Variants in FUT8 observed in about 807,000 individuals in gnomAD.
FUT8 encodes the protein alpha-(1,6)-fucosyltransferase.
FUT8 carries 29 observed loss-of-function variants against 71.3 expected under a neutral mutation model. The observed-to-expected ratio is 0.41, with a 90% CI of 0.30 to 0.55. FUT8 has a LOEUF of 0.55. Ranked by LOEUF, FUT8 falls within the 20% of genes least tolerant of loss-of-function variation. FUT8 has a pLI of 0.34. For missense variants in FUT8, 544 were observed against 702.1 expected (o/e 0.77, Z 2.55); for synonymous variants, 254 against 239.3 (o/e 1.06, Z -0.57).
At chr14:65,699,145 TACAC>T (rs60092488) in intron 7 of FUT8, among the ~76,000 whole-genome samples, 4,104 of 132,022 alleles carry the variant, frequency 0.031, 94 homozygotes, top group East Asian at 0.092. Context: ...CCCTCCCTTC[TACAC>T]ACACACACAC....
chr14:65,732,870 A>G (rs1896043025), intron 9 of FUT8, among the ~76,000 whole-genome samples: 1 of 152,208 alleles, frequency 6.6e-6, no homozygotes, highest in Non-Finnish European at 1.5e-5. Context: ...CAGTATTTGT[A>G]TTCTAAAGGA....
rs984642356 is a variant in FUT8, at chr14:65,413,613, C to T, written c.-326+399C>T. On this transcript the variant is annotated intron_variant, in intron 1 of 10. Coordinates refer to ENST00000673929, the MANE Select transcript of FUT8 (RefSeq NM_001371533.1). This position sits in a 1 kb window ranked among gnomAD's most constrained non-coding sequence, Gnocchi z 4.1. ...ACCTTCCCTTCGTCAGCAGCTCGGT[C>T]CCTGGAGTCGCGGTTTGTGGGGAGG... 3.9e-5 allele frequency among the ~76,000 whole-genome samples: 6 copies of T among 152,278 alleles called. No homozygotes were observed. Among genetic ancestry groups the T allele is most frequent in the Middle Eastern group, 3.4e-3 (1 of 294 alleles).
intron 2 of FUT8, among the ~76,000 whole-genome samples, chr14:65,515,506 A>G (rs2139837576): frequency 6.6e-6 from 1 of 151,872 alleles, no homozygotes; most frequent in East Asian, 1.9e-4. Context: ...ATAAGATTTC[A>G]CTATATAATG....
intron 2 of FUT8, among the ~76,000 whole-genome samples, chr14:65,534,188 A>C (rs1458212160): frequency 6.6e-6 from 1 of 152,010 alleles, no homozygotes; most frequent in Non-Finnish European, 1.5e-5. Context: ...CAGTGTGCAA[A>C]CATGACTCAC....
chr14:65,688,238 T>TA (rs1893396845), intron 7 of FUT8, among the ~76,000 whole-genome samples: 1 of 152,154 alleles, frequency 6.6e-6, no homozygotes, highest in Non-Finnish European at 1.5e-5. Context: ...ATGCTCCACT[T>TA]ATTTATCCCT....
At chr14:65,435,922 CTTTTT>C (rs374407475) in intron 1 of FUT8, among the ~76,000 whole-genome samples, 1 of 121,912 alleles carries the variant, frequency 8.2e-6, no homozygotes, top group Non-Finnish European at 1.7e-5. Flanking sequence ...GATATCTTCC[CTTTTT>C]TTTTTTTTTT....
chr14:65,649,097 A>AT (rs1891242748), intron 6 of FUT8, among the ~76,000 whole-genome samples: 1 of 152,118 alleles, frequency 6.6e-6, no homozygotes. Flanking sequence ...AACATTGTTC[A>AT]TTGTTAAACA....
At chr14:65,661,114 A>G (rs1370908876) in intron 6 of FUT8, among the ~76,000 whole-genome samples, 1 of 152,144 alleles carries the variant, frequency 6.6e-6, no homozygotes, top group Non-Finnish European at 1.5e-5. Context: ...AATAGGAGCT[A>G]TCTTTGACTT....
chr14:65,537,567 T>G (rs1381736705), intron 2 of FUT8, among the ~76,000 whole-genome samples: 1 of 152,036 alleles, frequency 6.6e-6, no homozygotes, highest in Admixed American at 6.6e-5. Flanking sequence ...TTTTGTATTT[T>G]TAGTAGAGAC....
At chr14:65,597,482 G>C (rs1888047261) in intron 3 of FUT8, among the ~76,000 whole-genome samples, 1 of 152,102 alleles carries the variant, frequency 6.6e-6, no homozygotes, top group Admixed American at 6.5e-5. Context: ...AATTAGCCGG[G>C]CATGGTGGTG....
At chr14:65,735,137 T>C (rs998779375) in intron 10 of FUT8, among the ~76,000 whole-genome samples, 3 of 152,178 alleles carry the variant, frequency 2.0e-5, no homozygotes, top group Admixed American at 6.5e-5. Context: ...GTTGTACTCA[T>C]GTTTTGCTTT....
At chr14:65,428,826 G>C (rs2139419211) in intron 1 of FUT8, among the ~76,000 whole-genome samples, 1 of 152,316 alleles carries the variant, frequency 6.6e-6, no homozygotes, top group Non-Finnish European at 1.5e-5. Context: ...TGCTGTTTTA[G>C]TTTTTTGTTT....
At chr14:65,518,558 C>T (rs967262531) in intron 2 of FUT8, among the ~76,000 whole-genome samples, 1 of 152,158 alleles carries the variant, frequency 6.6e-6, no homozygotes, top group Non-Finnish European at 1.5e-5. Flanking sequence ...GACAGTCTCA[C>T]TCTGTCGCCC....
At chr14:65,588,106 A>G (rs1213669971) in intron 3 of FUT8, among the ~76,000 whole-genome samples, 2 of 151,466 alleles carry the variant, frequency 1.3e-5, no homozygotes, top group Non-Finnish European at 2.9e-5. Flanking sequence ...GAGTTTAAGA[A>G]AACTGACACT....
Position 65,521,079 on chromosome 14 carries a change from G to A in FUT8, c.-227-40258G>A, listed in dbSNP as rs12431562. On this transcript the variant is annotated intron_variant, in intron 2 of 10. Coordinates refer to ENST00000673929, the MANE Select transcript of FUT8 (RefSeq NM_001371533.1). Reference sequence around the variant, plus strand: ...AGGTAGAATAATGTATCTCATTTTCGCCCTCATATTTTAAAGTGAGATAGT... The same window carrying A: ...AGGTAGAATAATGTATCTCATTTTCACCCTCATATTTTAAAGTGAGATAGT... 5.9e-3 allele frequency among the ~76,000 whole-genome samples: 895 copies of A among 151,578 alleles called. 34 individuals carry two copies. The East Asian group carries it at 0.093, about 16-fold the overall frequency.
intron 7 of FUT8, among the ~76,000 whole-genome samples, chr14:65,688,921 TCTCTTC>T (rs1172174144): frequency 1.3e-5 from 2 of 152,172 alleles, no homozygotes; most frequent in Non-Finnish European, 2.9e-5. Context: ...AAATTCTGTG[TCTCTTC>T]CTCTTCTTCT....
intron 1 of FUT8, among the ~76,000 whole-genome samples, chr14:65,439,950 G>GTA (rs1347777296): frequency 1.2e-4 from 4 of 32,592 alleles, no homozygotes; most frequent in Non-Finnish European, 3.1e-4. Context: ...GTGTGTGTGT[G>GTA]TGTGTATATA....
chr14:65,497,946 T>G (rs1395295463), intron 2 of FUT8, among the ~76,000 whole-genome samples: 1 of 152,128 alleles, frequency 6.6e-6, no homozygotes, highest in Non-Finnish European at 1.5e-5. Flanking sequence ...TGCTGCTAAC[T>G]AGAAGAAAAG....
chr14:65,733,993 A>G (rs528237878), intron 10 of FUT8, among the ~76,000 whole-genome samples: 15 of 152,282 alleles, frequency 9.9e-5, no homozygotes, highest in East Asian at 3.9e-4. Flanking sequence ...CCAGCTTTGT[A>G]TGCCCTGTGG....
Sources: allele counts gnomAD v4.1 joint callset (sites outside exome capture counted in the v4.1 genomes callset), GRCh38; gene constraint gnomAD v4.1.1; non-coding constraint Gnocchi (gnomAD v3.1); transcripts MANE v1.5; gene names NCBI Gene and HGNC (gene_info 2026-07-23, HGNC 2026-07-21).